PCTP: variants seen among roughly 807,000 people sequenced by gnomAD.
PCTP encodes phosphatidylcholine transfer protein.
PCTP carries 27 observed loss-of-function variants against 31.0 expected under a neutral mutation model. The ratio of observed to expected loss-of-function variants is 0.87; its 90% CI spans 0.64 to 1.20. The LOEUF is 1.20. Ranked by LOEUF, PCTP falls within the 50% of genes most tolerant of loss-of-function variation. The probability of loss-of-function intolerance (pLI) is 0.00; values close to 1 mark genes in which losing one functional copy is unlikely to be tolerated. For missense variants in PCTP, 287 were observed against 268.2 expected (o/e 1.07, Z -0.49); for synonymous variants, 108 against 101.2 (o/e 1.07, Z -0.40).
intron 5 of PCTP, among the ~76,000 whole-genome samples, chr17:55,837,427 T>A (rs1905815285): frequency 1.3e-5 from 2 of 152,138 alleles, no homozygotes; most frequent in South Asian, 4.1e-4. Flanking sequence ...CCTATAATGG[T>A]ACTTGCCTTT....
the PCTP span, among the ~76,000 whole-genome samples, chr17:55,850,780 C>G: frequency 6.6e-6 from 1 of 152,108 alleles, no homozygotes; most frequent in East Asian, 1.9e-4. Flanking sequence ...AAAAAAATCA[C>G]TTAATGGTAG....
At chr17:55,784,242 G>C (rs1025992154) in intron 2 of PCTP, among the ~76,000 whole-genome samples, 28 of 152,134 alleles carry the variant, frequency 1.8e-4, no homozygotes, top group African/African-American at 6.8e-4. Flanking sequence ...GAAGGAATTG[G>C]CAATCTAAGT....
At chr17:55,845,695 G>T (rs1043771375), downstream of PCTP, among the ~76,000 whole-genome samples, 1 of 152,110 alleles carries the variant, frequency 6.6e-6, no homozygotes, top group Admixed American at 6.5e-5. Context: ...CGCGCGGCGG[G>T]CCCTGCGGCC....
chr17:55,847,845 A>C, the PCTP span, among the ~76,000 whole-genome samples: 9 of 152,146 alleles, frequency 5.9e-5, no homozygotes, highest in African/African-American at 1.9e-4. Flanking sequence ...AGGGCAATCT[A>C]CTGTTCAGTC....
chr17:55,850,521 C>A, the PCTP span, among the ~76,000 whole-genome samples: 1 of 152,108 alleles, frequency 6.6e-6, no homozygotes, highest in Non-Finnish European at 1.5e-5. Context: ...AGATTCTTTT[C>A]CAGTTTCACA....
intron 3 of PCTP, among the ~76,000 whole-genome samples, chr17:55,790,614 T>C (rs1911926021): frequency 6.6e-6 from 1 of 151,010 alleles, no homozygotes; most frequent in South Asian, 2.1e-4. Flanking sequence ...GAAGGACCTC[T>C]TCAAGGAGAA....
chr17:55,847,609 C>T (rs1029038859), downstream of PCTP, among the ~76,000 whole-genome samples: 2 of 152,142 alleles, frequency 1.3e-5, no homozygotes, highest in African/African-American at 4.8e-5. Flanking sequence ...TCAGTTAAAC[C>T]TCCTTTCTTT....
chr17:55,852,712 C>G, the PCTP span, among the ~76,000 whole-genome samples: 1 of 152,160 alleles, frequency 6.6e-6, no homozygotes, highest in Admixed American at 6.5e-5. Context: ...CAGATCTCCT[C>G]CAAGTGATTG....
At chr17:55,830,667 A>C (rs1177510949) in intron 5 of PCTP, among the ~76,000 whole-genome samples, 3 of 152,238 alleles carry the variant, frequency 2.0e-5, no homozygotes, top group Non-Finnish European at 2.9e-5. Flanking sequence ...ACACTGTAGA[A>C]AAACACGTGA....
At chr17:55,801,755 G>A (rs548341398) in intron 3 of PCTP, among the ~76,000 whole-genome samples, 3 of 152,186 alleles carry the variant, frequency 2.0e-5, no homozygotes, top group Non-Finnish European at 4.4e-5. Context: ...GCCCACAGGA[G>A]AAAGTGGGCA....
At chr17:55,813,837 G>A (rs1268541561) in intron 3 of PCTP, among the ~76,000 whole-genome samples, 2 of 152,114 alleles carry the variant, frequency 1.3e-5, no homozygotes, top group Non-Finnish European at 2.9e-5. Flanking sequence ...GAGCCCAGGA[G>A]TTCAAGACCA....
intron 3 of PCTP, among the ~76,000 whole-genome samples, chr17:55,805,091 G>T (rs1020610222): frequency 6.6e-6 from 1 of 152,078 alleles, no homozygotes; most frequent in Non-Finnish European, 1.5e-5. Flanking sequence ...AATTATTGTG[G>T]GGAACTTCTT....
intron 5 of PCTP, among the ~76,000 whole-genome samples, chr17:55,842,492 G>A (rs1906014926): frequency 6.6e-5 from 10 of 152,166 alleles, no homozygotes; most frequent in Admixed American, 6.5e-4. Flanking sequence ...ATCAGAAAGA[G>A]ACTGCAAAGA....
chr17:55,767,765 C>CTTTTTTT (rs10634278), intron 2 of PCTP, among the ~76,000 whole-genome samples: 25 of 103,474 alleles, frequency 2.4e-4, no homozygotes, highest in East Asian at 6.2e-4. Flanking sequence ...GCACCCAGTG[C>CTTTTTTT]TTTTTTTTTT....
intron 3 of PCTP, among the ~76,000 whole-genome samples, chr17:55,808,491 A>G (rs1331242580): frequency 2.0e-5 from 3 of 152,256 alleles, no homozygotes; most frequent in Admixed American, 6.5e-5. Flanking sequence ...GGCAAATAAT[A>G]TGCATTTATT....
At chr17:55,801,332 A>T (rs1912372027) in intron 3 of PCTP, among the ~76,000 whole-genome samples, 1 of 152,144 alleles carries the variant, frequency 6.6e-6, no homozygotes, top group Non-Finnish European at 1.5e-5. Flanking sequence ...AATGATATCC[A>T]GGACTTGAAC....
chr17:55,839,113 A>T (rs1436391510), intron 5 of PCTP, among the ~76,000 whole-genome samples: 1 of 152,214 alleles, frequency 6.6e-6, no homozygotes, highest in African/African-American at 2.4e-5. Context: ...TTTTTCTATT[A>T]TCATATGTCA....
chr17:55,754,603 A>G (rs1909899078), intron 1 of PCTP, among the ~76,000 whole-genome samples: 1 of 152,214 alleles, frequency 6.6e-6, no homozygotes. Flanking sequence ...CTGGACAGAA[A>G]GGGTCTGATC....
intron 5 of PCTP, among the ~76,000 whole-genome samples, chr17:55,841,135 G>C (rs1905968844): frequency 6.6e-6 from 1 of 152,218 alleles, no homozygotes; most frequent in Admixed American, 6.5e-5. Flanking sequence ...AAGAGACACA[G>C]AAAGACTTGA....
Sources: gnomAD v4.1 joint callset for allele counts (sites outside exome capture counted in the v4.1 genomes callset) on GRCh38, gnomAD v4.1.1 for gene constraint, MANE v1.5 for transcripts, NCBI Gene and HGNC (gene_info 2026-07-23, HGNC 2026-07-21) for gene names.